RORA: variants seen among roughly 807,000 people sequenced by gnomAD.
The protein encoded by RORA is RAR related orphan receptor A.
RORA carries 7 observed loss-of-function variants against 69.5 expected under a neutral mutation model. The observed-to-expected ratio is 0.10, with a 90% confidence interval of 0.06 to 0.19. RORA has a LOEUF of 0.19. Ranked by LOEUF, RORA falls within the 10% of genes least tolerant of loss-of-function variation. The pLI, the probability that RORA is intolerant of heterozygous loss-of-function variation, is 1.00. For synonymous variants in RORA, 261 were observed against 240.8 expected (o/e 1.08, Z -0.78); for missense variants, 457 against 663.0 (o/e 0.69, Z 3.41).
At chr15:61,190,061 TG>T (rs1431290114) in intron 1 of RORA, among the ~76,000 whole-genome samples, 3 of 152,036 alleles carry the variant, frequency 2.0e-5, no homozygotes, top group African/African-American at 7.2e-5. Flanking sequence ...TGGCCTGAAG[TG>T]AAGCTCATTA....
chr15:60,568,973 A>T (rs1478863907), intron 2 of RORA, among the ~76,000 whole-genome samples: 1 of 149,570 alleles, frequency 6.7e-6, no homozygotes, highest in Non-Finnish European at 1.5e-5. Flanking sequence ...ACTCAATATT[A>T]TGGCATTTCC....
chr15:61,222,336 C>T (rs917846326), intron 1 of RORA, among the ~76,000 whole-genome samples: 3 of 152,134 alleles, frequency 2.0e-5, no homozygotes, highest in African/African-American at 7.2e-5. Context: ...GTAATAATGA[C>T]GTGTCAGTTA....
intron 1 of RORA, among the ~76,000 whole-genome samples, chr15:60,781,250 C>T (rs2072249029): frequency 6.6e-6 from 1 of 152,198 alleles, no homozygotes; most frequent in Non-Finnish European, 1.5e-5. Context: ...AAACTCATCT[C>T]TGGTGCCCGC....
intron 2 of RORA, among the ~76,000 whole-genome samples, chr15:60,579,919 T>C (rs879526416): frequency 4.4e-4 from 67 of 152,328 alleles, no homozygotes; most frequent in Admixed American, 9.8e-4. Flanking sequence ...GTTGTGTTTA[T>C]TAGGTCTCCC....
intron 1 of RORA, among the ~76,000 whole-genome samples, chr15:61,030,296 G>A (rs1323536333): frequency 6.6e-6 from 1 of 152,100 alleles, no homozygotes; most frequent in Non-Finnish European, 1.5e-5. Context: ...TAATGTATCA[G>A]TGCTAATTTG....
At chr15:60,793,876 C>T (rs932491613) in intron 1 of RORA, among the ~76,000 whole-genome samples, 7 of 152,264 alleles carry the variant, frequency 4.6e-5, no homozygotes, top group African/African-American at 7.2e-5. Flanking sequence ...ACATTTGAGC[C>T]GTGCAGGCTT....
chr15:61,127,760 G>T (rs1482525668), intron 1 of RORA, among the ~76,000 whole-genome samples: 1 of 152,102 alleles, frequency 6.6e-6, no homozygotes, highest in African/African-American at 2.4e-5. Context: ...GAGCTCATTT[G>T]TCATCATTAA....
At chr15:60,936,558 C>T (rs1892527984) in intron 1 of RORA, among the ~76,000 whole-genome samples, 1 of 152,136 alleles carries the variant, frequency 6.6e-6, no homozygotes, top group African/African-American at 2.4e-5. Context: ...TCACCGTCAC[C>T]ATCACCTAGC....
intron 1 of RORA, among the ~76,000 whole-genome samples, chr15:60,881,429 T>C (rs1369022107): frequency 2.0e-5 from 3 of 152,242 alleles, no homozygotes; most frequent in Non-Finnish European, 4.4e-5. Flanking sequence ...TCCTGAAGTC[T>C]CTACTCTACA....
intron 1 of RORA, among the ~76,000 whole-genome samples, chr15:61,155,773 G>T (rs79671947): frequency 0.024 from 3,709 of 152,300 alleles, 81 homozygotes; most frequent in African/African-American, 0.059. Context: ...AAAGGCTGAT[G>T]ATGTGTTTAC....
intron 1 of RORA, among the ~76,000 whole-genome samples, chr15:60,736,181 TCTC>T (rs1372560838): frequency 6.6e-6 from 1 of 152,098 alleles, no homozygotes; most frequent in African/African-American, 2.4e-5. Flanking sequence ...GATTCAGTCT[TCTC>T]CTTTTTTTCC....
At chr15:61,212,487 C>T (rs1204036792) in intron 1 of RORA, among the ~76,000 whole-genome samples, 1 of 152,208 alleles carries the variant, frequency 6.6e-6, no homozygotes, top group South Asian at 2.1e-4. Context: ...GCAACCTCTG[C>T]CTCCCAGGTT....
intron 1 of RORA, among the ~76,000 whole-genome samples, chr15:60,830,854 C>T: frequency 6.6e-6 from 1 of 152,206 alleles, no homozygotes; most frequent in East Asian, 1.9e-4. Flanking sequence ...TTTTCTTGGG[C>T]ATGAGGGACC....
intron 1 of RORA, among the ~76,000 whole-genome samples, chr15:61,031,127 G>T (rs1289263277): frequency 2.6e-5 from 4 of 152,114 alleles, no homozygotes; most frequent in Non-Finnish European, 4.4e-5. Flanking sequence ...GTAGAAAGGG[G>T]TAAGAGAAAC....
intron 2 of RORA, among the ~76,000 whole-genome samples, chr15:60,652,792 G>A (rs2070163831): frequency 1.3e-5 from 2 of 152,258 alleles, no homozygotes; most frequent in African/African-American, 2.4e-5. Flanking sequence ...CCACATGGCC[G>A]TAAGTTTTAA....
chr15:60,904,155 T>C (rs565879129), intron 1 of RORA, among the ~76,000 whole-genome samples: 16 of 152,212 alleles, frequency 1.1e-4, no homozygotes, highest in Non-Finnish European at 2.1e-4. Flanking sequence ...CCAATTATTA[T>C]GCCATTTGAA....
intron 1 of RORA, among the ~76,000 whole-genome samples, chr15:60,867,578 G>A (rs1030803080): frequency 3.3e-5 from 5 of 152,022 alleles, no homozygotes; most frequent in African/African-American, 4.8e-5. Flanking sequence ...GACCTACATC[G>A]CCCTTTTTGC....
intron 1 of RORA, among the ~76,000 whole-genome samples, chr15:60,866,274 T>C (rs185076063): frequency 1.2e-3 from 190 of 152,320 alleles, no homozygotes; most frequent in African/African-American, 4.5e-3. Context: ...AGATTTGTTT[T>C]AGCTCCCACA....
intron 1 of RORA, among the ~76,000 whole-genome samples, chr15:60,941,156 A>T (rs2140323142): frequency 6.6e-6 from 1 of 152,240 alleles, no homozygotes; most frequent in East Asian, 1.9e-4. Context: ...TGGCATGGTG[A>T]TAAGCTATTA....
Sources: allele counts gnomAD v4.1 joint callset (sites outside exome capture counted in the v4.1 genomes callset), GRCh38; gene constraint gnomAD v4.1.1; transcripts MANE v1.5; gene names NCBI Gene and HGNC (gene_info 2026-07-23, HGNC 2026-07-21).